Variants in APP observed in about 807,000 individuals in gnomAD.
APP encodes amyloid beta precursor protein, also known as amyloid-beta precursor protein.
APP carries 31 observed loss-of-function variants against 101.4 expected under a neutral mutation model. That is an observed-to-expected ratio of 0.31 (90% CI 0.23 to 0.41). The LOEUF (loss-of-function observed/expected upper bound fraction) is 0.41. Among genes scored for constraint, APP ranks in the 10% least tolerant of loss-of-function variants. APP has a pLI of 1.00. For synonymous variants in APP, 366 were observed against 364.4 expected (o/e 1.00, Z -0.05); for missense variants, 839 against 1,003.7 (o/e 0.84, Z 2.22).
At chr21:25,891,121 A>G (rs139070977) in intron 17 of APP, among the ~76,000 whole-genome samples, 1 of 152,198 alleles carries the variant, frequency 6.6e-6, no homozygotes, top group Non-Finnish European at 1.5e-5. Context: ...CCTTGAAACT[A>G]AGATATTTCA....
At chr21:25,982,596 C>G in intron 8 of APP, 119 bp from the exon 9 acceptor site, 1 of 957,162 alleles carries the variant, frequency 1.0e-6, no homozygotes. Flanking sequence ...TTTAGTAAAG[C>G]AGCGCATACA....
At chr21:26,022,532 A>G (rs1223348954) in intron 5 of APP, among the ~76,000 whole-genome samples, 2 of 152,200 alleles carry the variant, frequency 1.3e-5, no homozygotes, top group Admixed American at 1.3e-4. Context: ...TATTGGTTCA[A>G]ACGTACCATA....
intron 16 of APP, among the ~76,000 whole-genome samples, chr21:25,892,724 A>C (rs566486338): frequency 3.9e-5 from 6 of 152,282 alleles, no homozygotes; most frequent in Non-Finnish European, 8.8e-5. Context: ...ACTGCACTAC[A>C]TTGCTTCATA....
intron 3 of APP, among the ~76,000 whole-genome samples, chr21:26,066,332 C>T (rs565778689): frequency 6.6e-6 from 1 of 152,246 alleles, no homozygotes; most frequent in African/African-American, 2.4e-5. Flanking sequence ...ACACTCTTTG[C>T]TTACCCACTT....
intron 15 of APP, among the ~76,000 whole-genome samples, chr21:25,902,889 T>C (rs17001483): frequency 0.026 from 3,920 of 152,302 alleles, 177 homozygotes; most frequent in African/African-American, 0.089. Flanking sequence ...ATTTAGTGGA[T>C]TGATCTTTGT....
At chr21:26,030,261 T>G (rs2044761705) in intron 5 of APP, among the ~76,000 whole-genome samples, 1 of 152,232 alleles carries the variant, frequency 6.6e-6, no homozygotes, top group Non-Finnish European at 1.5e-5. Context: ...ATTAAGGATG[T>G]AAGATGCTGG....
intron 2 of APP, among the ~76,000 whole-genome samples, chr21:26,102,232 G>A (rs2062077350): frequency 6.6e-6 from 1 of 151,852 alleles, no homozygotes; most frequent in South Asian, 2.1e-4. Context: ...GGGACTACAG[G>A]TGCCCACCAC....
intron 1 of APP, among the ~76,000 whole-genome samples, chr21:26,135,286 A>G (rs1328527773): frequency 6.6e-6 from 1 of 152,252 alleles, no homozygotes; most frequent in African/African-American, 2.4e-5. Context: ...TCGAAATTCA[A>G]GACATCTCCA....
At chr21:25,961,046 G>GC (rs1008840985) in intron 11 of APP, among the ~76,000 whole-genome samples, 1 of 152,068 alleles carries the variant, frequency 6.6e-6, no homozygotes, top group Non-Finnish European at 1.5e-5. Context: ...AATTCTTGGG[G>GC]CCCCCAAATC....
At chr21:26,067,598 A>G (rs533283477) in intron 3 of APP, among the ~76,000 whole-genome samples, 3 of 152,336 alleles carry the variant, frequency 2.0e-5, no homozygotes, top group East Asian at 1.9e-4. Flanking sequence ...AATGGGAGGC[A>G]TATCACTAGG....
At chr21:26,073,671 T>C (rs886840027) in intron 3 of APP, among the ~76,000 whole-genome samples, 2 of 152,102 alleles carry the variant, frequency 1.3e-5, no homozygotes, top group Admixed American at 1.3e-4. Flanking sequence ...CTAAATACTA[T>C]TGAGATGTGA....
At chr21:26,069,010 A>T (rs1180793032) in intron 3 of APP, among the ~76,000 whole-genome samples, 1 of 152,188 alleles carries the variant, frequency 6.6e-6, no homozygotes, top group Non-Finnish European at 1.5e-5. Flanking sequence ...CTAATTCCTC[A>T]TTGGGTCAAA....
intron 8 of APP, among the ~76,000 whole-genome samples, chr21:25,983,686 A>C (rs1166348392): frequency 6.6e-6 from 1 of 152,200 alleles, no homozygotes; most frequent in East Asian, 1.9e-4. Flanking sequence ...TTCAATCCTG[A>C]TTAATAATCA....
chr21:25,952,193 C>CACACAT (rs2041112170), intron 13 of APP, among the ~76,000 whole-genome samples: 1 of 139,466 alleles, frequency 7.2e-6, no homozygotes, highest in African/African-American at 2.6e-5. Flanking sequence ...TACATACATA[C>CACACAT]ACACACACAC....
chr21:25,923,550 C>G (rs1182539044), intron 13 of APP, among the ~76,000 whole-genome samples: 6 of 126,902 alleles, frequency 4.7e-5, no homozygotes, highest in Non-Finnish European at 9.7e-5. Context: ...AACAAACAAC[C>G]CCATCAAAAA....
intron 6 of APP, among the ~76,000 whole-genome samples, chr21:26,013,929 T>C (rs2043933268): frequency 2.0e-5 from 3 of 152,166 alleles, no homozygotes; most frequent in Admixed American, 6.5e-5. Context: ...TGCCATGACA[T>C]GGGGCACAAA....
intron 5 of APP, among the ~76,000 whole-genome samples, chr21:26,026,522 G>C (rs1042963637): frequency 1.3e-5 from 2 of 151,846 alleles, no homozygotes; most frequent in Admixed American, 1.3e-4. Flanking sequence ...GGTGCCGCCT[G>C]ATAAGTCCCT....
chr21:26,159,250 G>T (rs568471776), intron 1 of APP, among the ~76,000 whole-genome samples: 80 of 152,100 alleles, frequency 5.3e-4, no homozygotes, highest in Non-Finnish European at 9.6e-4. Flanking sequence ...CGGTTAATTT[G>T]TTGTATTTTT....
intron 3 of APP, among the ~76,000 whole-genome samples, chr21:26,064,821 G>T (rs905568613): frequency 1.3e-5 from 2 of 152,122 alleles, no homozygotes; most frequent in Non-Finnish European, 1.5e-5. Flanking sequence ...GCCACTCCTG[G>T]ATTTCTTTGT....
Sources: allele counts gnomAD v4.1 joint callset (sites outside exome capture counted in the v4.1 genomes callset), GRCh38; gene constraint gnomAD v4.1.1; transcripts MANE v1.5; gene names NCBI Gene and HGNC (gene_info 2026-07-23, HGNC 2026-07-21).